The following SYNE1 variants were observed in gnomAD, a reference collection of about 807,000 sequenced individuals.
The protein encoded by SYNE1 is spectrin repeat containing nuclear envelope protein 1.
SYNE1 carries 616 observed loss-of-function variants against 1,111.0 expected under a neutral mutation model. The observed-to-expected ratio is 0.55, with a 90% CI of 0.52 to 0.59. The LOEUF (loss-of-function observed/expected upper bound fraction) is 0.59. Among genes scored for constraint, SYNE1 ranks in the 20% least tolerant of loss-of-function variants. SYNE1 has a pLI of 0.00. For missense variants in SYNE1, 10,006 were observed against 10,417.0 expected, an observed-to-expected ratio of 0.96 and a Z score of 1.72; for synonymous variants, 3,855 against 3,825.8, an observed-to-expected ratio of 1.01 and a Z score of -0.28.
intron 3 of SYNE1, among the ~76,000 whole-genome samples, chr6:152,571,551 A>C (rs1305068713): frequency 6.6e-6 from 1 of 152,146 alleles, no homozygotes; most frequent in Non-Finnish European, 1.5e-5. Flanking sequence ...TAATTTCTAT[A>C]TGTGTATACT....
At chr6:152,592,745 A>G (rs1169112153) in intron 3 of SYNE1, among the ~76,000 whole-genome samples, 1 of 152,242 alleles carries the variant, frequency 6.6e-6, no homozygotes, top group African/African-American at 2.4e-5. Context: ...TTCACTTGAT[A>G]ATATCCTCTC....
chr6:152,222,948 AG>A (rs1314038552), intron 117 of SYNE1, among the ~76,000 whole-genome samples: 3 of 152,220 alleles, frequency 2.0e-5, no homozygotes, highest in Non-Finnish European at 4.4e-5. Context: ...AGGACCAGTA[AG>A]GGAACTGAAA....
chr6:152,534,606 GA>G (rs2154362063), intron 4 of SYNE1, among the ~76,000 whole-genome samples: 1 of 152,072 alleles, frequency 6.6e-6, no homozygotes, highest in South Asian at 2.1e-4. Context: ...TGTAGCTTGA[GA>G]AAAACAACTA....
At chr6:152,461,065 G>A (rs1351136634) in intron 21 of SYNE1, among the ~76,000 whole-genome samples, 1 of 151,984 alleles carries the variant, frequency 6.6e-6, no homozygotes, top group Non-Finnish European at 1.5e-5. Flanking sequence ...GCTCGCCTCG[G>A]CCTCCCAAAG....
intron 87 of SYNE1, chr6:152,316,414 G>A (rs1054481438): frequency 9.9e-6 from 2 of 203,034 alleles, no homozygotes; most frequent in Non-Finnish European, 2.0e-5. Context: ...AGAATTCAGA[G>A]AGGCAAAGCA....
chr6:152,321,170 A>T, intron 84 of SYNE1, 68 bp downstream of exon 84: 2 of 1,563,086 alleles, frequency 1.3e-6, no homozygotes, highest in Non-Finnish European at 1.7e-6. Context: ...AAAATCAAGA[A>T]CTCTCACACA....
In SYNE1 at chr6:152,387,221, G is replaced by A; in HGVS notation, c.8338C>T (p.Leu2780=). The A allele has an allele frequency of 6.2e-7, 1 of 1,614,138 alleles. No individual in the cohort carries two copies. The highest frequency in any genetic ancestry group is 8.5e-7 in the Non-Finnish European group (1 of 1,180,018). Reference sequence around the variant, plus strand: ...CTCGTGTGATCTTCTGCCTCAGACAGGATGGACTGGAGGTGGTCAAGCAGG... The same window carrying A: ...CTCGTGTGATCTTCTGCCTCAGACAAGATGGACTGGAGGTGGTCAAGCAGG... ...FVLLDHLQSI[L]SEAEDHTRAL... The change falls in exon 54 of 146, where the codon CTG becomes TTG. Residue 2780 remains leucine (L), a synonymous_variant. Transcript: ENST00000367255.
chr6:152,161,993 C>T (rs1473465237), intron 131 of SYNE1, among the ~76,000 whole-genome samples: 2 of 152,154 alleles, frequency 1.3e-5, no homozygotes, highest in South Asian at 2.1e-4. Context: ...GTGACTCTAG[C>T]CTCCACGGTG....
Position 152,529,839 on chromosome 6 carries a change from G to GT in SYNE1, c.130-3665_130-3664insA, listed in dbSNP as rs1015230842. On this transcript the variant is annotated intron_variant, in intron 4 of 145. Transcript: ENST00000367255. ...GGTCTTAGTGTCCAGGGTTTTACTG[G>GT]GGGGTCTATGACATAGACAAGCAAT... Among the ~76,000 whole-genome samples, 417 of 151,864 alleles carry GT rather than the reference G, an allele frequency of 2.7e-3. 5 individuals are homozygous for GT. The highest frequency in any genetic ancestry group is 3.8e-3 in the South Asian group (18 of 4,798).
intron 100 of SYNE1, among the ~76,000 whole-genome samples, chr6:152,265,252 C>T (rs781224011): frequency 4.1e-5 from 6 of 145,680 alleles, no homozygotes; most frequent in African/African-American, 1.5e-4. Context: ...ATAATAATGG[C>T]AATGGCAATA....
At chr6:152,129,400 A>C (rs1183846684) in intron 145 of SYNE1, 1 of 152,250 alleles carries the variant, frequency 6.6e-6, no homozygotes, top group Non-Finnish European at 1.5e-5. Flanking sequence ...TTGTGGGGAA[A>C]AGATGGACTA....
chr6:152,489,448 T>C (rs945640192), intron 11 of SYNE1, among the ~76,000 whole-genome samples: 1 of 144,532 alleles, frequency 6.9e-6, no homozygotes, highest in African/African-American at 2.6e-5. Context: ...CTCTGTGAGC[T>C]TGGTGTGTCT....
At chr6:152,491,681 A>T (rs933457488) in intron 11 of SYNE1, among the ~76,000 whole-genome samples, 1 of 152,182 alleles carries the variant, frequency 6.6e-6, no homozygotes, top group Non-Finnish European at 1.5e-5. Flanking sequence ...GAGATGCCTG[A>T]CATCCAGGCA....
At chr6:152,135,040 T>C in intron 142 of SYNE1, 64 bp downstream of exon 142, 1 of 1,610,400 alleles carries the variant, frequency 6.2e-7, no homozygotes, top group Non-Finnish European at 8.5e-7. Context: ...TATATTCATT[T>C]TCTGTAAATG....
At chr6:152,494,270 TACTC>T (rs1490442339) in intron 11 of SYNE1, among the ~76,000 whole-genome samples, 1 of 152,186 alleles carries the variant, frequency 6.6e-6, no homozygotes, top group Non-Finnish European at 1.5e-5. Context: ...CCTTCAACTG[TACTC>T]ACTATTTGTT....
At position 152,430,597 on chromosome 6, in the gene SYNE1, T is replaced by G; in HGVS notation, c.4574A>C (p.Lys1525Thr). 1 of 1,614,180 alleles carries G rather than the reference T, an allele frequency of 6.2e-7. No homozygotes were observed. Among genetic ancestry groups the G allele is most frequent in the Non-Finnish European group, 8.5e-7 (1 of 1,180,008 alleles). Residue 1525 changes from lysine (K) to threonine (T), a missense_variant, in exon 35 of 146, where the codon AAG becomes ACG. Coordinates refer to ENST00000367255, the MANE Select transcript of SYNE1 (RefSeq NM_182961.4). ...TTGESARIKA[K>T]LTQIRRYGEE... The stretch of plus-strand genomic sequence containing the variant: ...CCCGTATCTTCTTATTTGTGTCAAC[T>G]TGGCTTTAATTCGAGCAGATTCTCC...
rs758495501 is a variant in SYNE1 at position 152,218,262 on chromosome 6, G to A, written c.22186C>T (p.Leu7396Phe). Residue 7396 changes from leucine to phenylalanine, a missense_variant, in exon 121 of 146, where the codon CTT (leucine) becomes TTT (phenylalanine). Physicochemically the swap from Leu to Phe is conservative, Grantham distance 22. Coordinates refer to ENST00000367255, the MANE Select transcript of SYNE1 (RefSeq NM_182961.4). ...LSTIQERMEELKGQMLKFSSM... is the reference protein window; with the variant it reads ...LSTIQERMEEFKGQMLKFSSM... ...TCAGATTTGAACACACTTACCTTAA[G>A]TTCTTCCATCCTTTCCTGGATTGTG... 1.1e-5 allele frequency: 18 copies of A among 1,613,982 alleles called. No individual in the cohort carries two copies. Among genetic ancestry groups the A allele is most frequent in the Non-Finnish European group, 1.5e-5 (18 of 1,179,954 alleles).
At chr6:152,155,226 A>C in intron 132 of SYNE1, 184 bp from the exon 133 acceptor site, 23 of 615,008 alleles carry the variant, frequency 3.7e-5, no homozygotes, top group Admixed American at 3.0e-5. Flanking sequence ...GCTAAAATAA[A>C]ACGGCTGTTT....
intron 74 of SYNE1, 146 bp downstream of exon 74, chr6:152,343,935 C>T: frequency 1.7e-6 from 2 of 1,145,782 alleles, no homozygotes; most frequent in Non-Finnish European, 2.5e-6. Context: ...GGCACATGAA[C>T]TCCACTAGAG....
Sources: gnomAD v4.1 joint callset for allele counts (sites outside exome capture counted in the v4.1 genomes callset) on GRCh38, gnomAD v4.1.1 for gene constraint, MANE v1.5 for transcripts, NCBI Gene and HGNC (gene_info 2026-07-23, HGNC 2026-07-21) for gene names.